Variants in MERTK observed in about 807,000 individuals in gnomAD.
MERTK encodes the protein MER proto-oncogene, tyrosine kinase.
MERTK carries 69 observed loss-of-function variants against 99.3 expected under a neutral mutation model. The ratio of observed to expected loss-of-function variants is 0.70; its 90% CI spans 0.57 to 0.85. The LOEUF is 0.85. Ranked by LOEUF, MERTK falls within the 40% of genes least tolerant of loss-of-function variation. The pLI, the probability that MERTK is intolerant of heterozygous loss-of-function variation, is 0.00. For missense variants in MERTK, 1,125 were observed against 1,249.4 expected (o/e 0.90, Z 1.50); for synonymous variants, 426 against 467.6 (o/e 0.91, Z 1.15).
chr2:112,012,746 A>G (rs1677131688), intron 15 of MERTK, among the ~76,000 whole-genome samples: 1 of 152,192 alleles, frequency 6.6e-6, no homozygotes, highest in Non-Finnish European at 1.5e-5. Flanking sequence ...ACCACAAGTC[A>G]CAGGTGACTG....
chr2:111,910,757 C>T (rs897764372), intron 1 of MERTK, among the ~76,000 whole-genome samples: 16 of 151,984 alleles, frequency 1.1e-4, no homozygotes, highest in African/African-American at 3.6e-4. Context: ...ACCACATGTC[C>T]TCACTCATAG....
chr2:111,923,139 A>G (rs552627913), intron 1 of MERTK, among the ~76,000 whole-genome samples: 4 of 152,328 alleles, frequency 2.6e-5, no homozygotes, highest in East Asian at 1.9e-4. Context: ...TGTTTGCTGC[A>G]TGTGACTCCA....
chr2:111,899,086 A>G (rs1683986736), intron 1 of MERTK, among the ~76,000 whole-genome samples: 1 of 152,166 alleles, frequency 6.6e-6, no homozygotes, highest in African/African-American at 2.4e-5. Flanking sequence ...CAGAGGAGGA[A>G]ATCGAGCTCG....
intron 1 of MERTK, among the ~76,000 whole-genome samples, chr2:111,925,409 C>T (rs1229182355): frequency 1.7e-4 from 24 of 142,334 alleles, no homozygotes; most frequent in Non-Finnish European, 3.2e-4. Context: ...TCAAGCGATT[C>T]TCCTGTCTCA....
chr2:111,941,183 C>T (rs1251403683), intron 2 of MERTK: 3 of 303,698 alleles, frequency 9.9e-6, no homozygotes, highest in East Asian at 7.7e-5. Context: ...GTACAGAGTT[C>T]GAAAGGAAAA....
At chr2:111,982,744 A>T in intron 7 of MERTK, 98 bp from the exon 8 acceptor site, 1 of 1,366,082 alleles carries the variant, frequency 7.3e-7, no homozygotes, top group Non-Finnish European at 1.0e-6. Context: ...AGTGCTTTTC[A>T]TAGAGCATTT....
chr2:111,962,182 T>A (rs1165118925), intron 4 of MERTK, among the ~76,000 whole-genome samples: 3 of 152,180 alleles, frequency 2.0e-5, no homozygotes, highest in African/African-American at 7.2e-5. Flanking sequence ...TTCAACTACA[T>A]AGTAAATACT....
At chr2:111,907,046 G>T (rs1573560527) in intron 1 of MERTK, among the ~76,000 whole-genome samples, 1 of 152,154 alleles carries the variant, frequency 6.6e-6, no homozygotes, top group Admixed American at 6.5e-5. Context: ...AGCCCTGTGC[G>T]TGACTCTCGG....
At chr2:111,929,036 C>G (rs1306938124) in intron 1 of MERTK, 84 bp from the exon 2 acceptor site, 4 of 1,461,232 alleles carry the variant, frequency 2.7e-6, no homozygotes, top group Non-Finnish European at 3.8e-6. Flanking sequence ...CCAGTGCTCT[C>G]TCTTCTTGGC....
intron 7 of MERTK, among the ~76,000 whole-genome samples, chr2:111,977,954 T>C (rs1676287932): frequency 6.6e-6 from 1 of 152,136 alleles, no homozygotes; most frequent in South Asian, 2.1e-4. Context: ...TCCTTTTTTC[T>C]TTCTTTCTTA....
chr2:111,967,291 G>C (rs928760989), intron 5 of MERTK, among the ~76,000 whole-genome samples: 1 of 152,200 alleles, frequency 6.6e-6, no homozygotes, highest in Admixed American at 6.5e-5. Context: ...TATGAATGTG[G>C]ATTGTAAGAC....
At chr2:112,012,233 C>T (rs368413505) in intron 15 of MERTK, among the ~76,000 whole-genome samples, 22 of 148,690 alleles carry the variant, frequency 1.5e-4, no homozygotes, top group African/African-American at 4.7e-4. Flanking sequence ...CCCTTCCCCC[C>T]GCCCCCCACA....
intron 3 of MERTK, among the ~76,000 whole-genome samples, chr2:111,945,541 A>G (rs1684947860): frequency 6.6e-6 from 1 of 152,184 alleles, no homozygotes; most frequent in Non-Finnish European, 1.5e-5. Context: ...TCAGCCTGAG[A>G]CTTCTTTTGG....
At chr2:111,954,885 T>C (rs2104711758) in intron 4 of MERTK, among the ~76,000 whole-genome samples, 1 of 152,344 alleles carries the variant, frequency 6.6e-6, no homozygotes, top group East Asian at 1.9e-4. Flanking sequence ...TTTGTAACAT[T>C]ATAAAAGAAC....
intron 2 of MERTK, chr2:111,940,937 C>G (rs1684854894): frequency 3.0e-6 from 2 of 668,534 alleles, no homozygotes; most frequent in Non-Finnish European, 5.8e-6. Context: ...ATTTTCTGGT[C>G]TTCAAGCCAA....
At chr2:111,904,536 T>C (rs1684102694) in intron 1 of MERTK, among the ~76,000 whole-genome samples, 1 of 151,982 alleles carries the variant, frequency 6.6e-6, no homozygotes, top group African/African-American at 2.4e-5. Flanking sequence ...CCACCAGACC[T>C]GGCTAATTTT....
chr2:112,019,909 T>C (rs1006600558), intron 16 of MERTK, among the ~76,000 whole-genome samples: 2 of 152,228 alleles, frequency 1.3e-5, no homozygotes, highest in Non-Finnish European at 2.9e-5. Flanking sequence ...TTCACAACAC[T>C]TCCTTAGGAA....
chr2:111,970,027 T>C (rs56272510), intron 6 of MERTK, among the ~76,000 whole-genome samples: 1 of 151,772 alleles, frequency 6.6e-6, no homozygotes, highest in African/African-American at 2.4e-5. Context: ...TTGTTTTTTG[T>C]TTTTTTTCCT....
chr2:111,921,856 G>C (rs1280067837), intron 1 of MERTK, among the ~76,000 whole-genome samples: 1 of 152,052 alleles, frequency 6.6e-6, no homozygotes, highest in Non-Finnish European at 1.5e-5. Context: ...GCCTCCCAAA[G>C]TGCTGGGAGC....
Sources: allele counts gnomAD v4.1 joint callset (sites outside exome capture counted in the v4.1 genomes callset), GRCh38; gene constraint gnomAD v4.1.1; transcripts MANE v1.5; gene names NCBI Gene and HGNC (gene_info 2026-07-23, HGNC 2026-07-21).